Variants in NEO1 observed in about 807,000 individuals in gnomAD.
The protein encoded by NEO1 is neogenin.
In NEO1, 63 loss-of-function variants were observed where a neutral mutation model predicts 159.7. The observed-to-expected ratio is 0.39, with a 90% CI of 0.32 to 0.49. The LOEUF (loss-of-function observed/expected upper bound fraction) is 0.49, where lower values mean the gene tolerates loss of function less well. Ranked by LOEUF, NEO1 falls within the 20% of genes least tolerant of loss-of-function variation. NEO1 has a pLI of 0.85. For missense variants in NEO1, 1,615 were observed against 1,831.0 expected, an observed-to-expected ratio of 0.88 and a Z score of 2.15; for synonymous variants, 633 against 662.0, an observed-to-expected ratio of 0.96 and a Z score of 0.67.
At chr15:73,153,635 T>C (rs2033552562) in intron 5 of NEO1, among the ~76,000 whole-genome samples, 1 of 152,234 alleles carries the variant, frequency 6.6e-6, no homozygotes, top group Non-Finnish European at 1.5e-5. Context: ...ATTGTAATGG[T>C]TGATTTCCAA....
At position 73,298,185 on chromosome 15, in the gene NEO1, A is replaced by G. The variant is rs140069275; in HGVS notation, c.3902-163A>G. On this transcript the variant is annotated intron_variant, in intron 26 of 28. Coordinates refer to ENST00000261908, the MANE Select transcript of NEO1 (RefSeq NM_002499.4). ...TGAGTACAAAATTGTTCGAGACTCC[A>G]TTCTTATCCCTGGCAGTGGTGCTAA... is the stretch of plus-strand genomic sequence containing the variant. The G allele has an allele frequency of 2.2e-4, 184 of 825,410 alleles. 1 individual carries two copies. The African/African-American group carries it at 3.0e-3, about 14-fold the overall frequency. The allele number at this position is 825,410 out of a possible 1,614,324, so 51.1% of individuals were successfully genotyped here.
chr15:73,089,014 T>G (rs1290547273), intron 1 of NEO1, among the ~76,000 whole-genome samples: 1 of 152,142 alleles, frequency 6.6e-6, no homozygotes, highest in East Asian at 1.9e-4. Context: ...TGGTTGATAG[T>G]TGCAGTTCTG....
At chr15:73,261,454 A>T (rs1172790547) in intron 15 of NEO1, among the ~76,000 whole-genome samples, 1 of 152,100 alleles carries the variant, frequency 6.6e-6, no homozygotes, top group Non-Finnish European at 1.5e-5. Context: ...GGTCACTAAA[A>T]CTATAAGTGA....
At chr15:73,083,250 T>C (rs1446035510) in intron 1 of NEO1, among the ~76,000 whole-genome samples, 1 of 152,094 alleles carries the variant, frequency 6.6e-6, no homozygotes, top group Non-Finnish European at 1.5e-5. Flanking sequence ...ATTGTGGTAG[T>C]TGTGGCTTGG....
chr15:73,093,747 T>G (rs912289036), intron 1 of NEO1, among the ~76,000 whole-genome samples: 4 of 152,036 alleles, frequency 2.6e-5, no homozygotes, highest in Admixed American at 2.0e-4. Flanking sequence ...CTGGCTAATT[T>G]TTTGTATTTT....
intron 23 of NEO1, 39 bp downstream of exon 23, chr15:73,283,150 C>T: frequency 6.2e-7 from 1 of 1,610,594 alleles, no homozygotes; most frequent in African/African-American, 1.3e-5. Context: ...TTTTTGGCAT[C>T]TTATCTTTTG....
Position 73,304,616 on chromosome 15 carries a change from G to A in NEO1, c.*1920G>A, listed in dbSNP as rs572793648. ...ACATGGGGGTGCCAGGCGGGATTCT[G>A]GAAAACCAGTGCACTTAAACTGATC... On this transcript the variant is annotated 3_prime_UTR_variant, in exon 29 of 29. Coordinates refer to ENST00000261908, the MANE Select transcript of NEO1 (RefSeq NM_002499.4). The A allele has an allele frequency of 6.6e-6, 1 of 152,224 alleles. No homozygotes were observed. Among genetic ancestry groups the A allele is most frequent in the African/African-American group, 2.4e-5 (1 of 41,460 alleles). The allele number at this position is 152,224 out of a possible 1,614,324, so 9.4% of individuals were successfully genotyped here.
At chr15:73,226,236 A>G (rs2038583214) in intron 7 of NEO1, among the ~76,000 whole-genome samples, 1 of 152,180 alleles carries the variant, frequency 6.6e-6, no homozygotes, top group Admixed American at 6.5e-5. Context: ...TTGTTCTTGC[A>G]GTCAATCTGG....
intron 7 of NEO1, among the ~76,000 whole-genome samples, chr15:73,206,022 C>T (rs55868723): frequency 0.3 from 45,918 of 151,642 alleles, 8,460 homozygotes; most frequent in Admixed American, 0.44. Context: ...ATTCTCATGC[C>T]TCAGCCTCTT....
At chr15:73,222,448 C>A (rs149508318) in intron 7 of NEO1, among the ~76,000 whole-genome samples, 1 of 151,900 alleles carries the variant, frequency 6.6e-6, no homozygotes, top group Admixed American at 6.6e-5. Flanking sequence ...TGTTATTGAT[C>A]TATTTAGAGT....
At chr15:73,100,478 G>A (rs929703304) in intron 1 of NEO1, among the ~76,000 whole-genome samples, 10 of 152,044 alleles carry the variant, frequency 6.6e-5, no homozygotes, top group Non-Finnish European at 1.3e-4. Context: ...GGGATTACAG[G>A]TGTGTGCCAC....
intron 7 of NEO1, among the ~76,000 whole-genome samples, chr15:73,193,442 C>G (rs749500388): frequency 1.3e-5 from 2 of 151,832 alleles, no homozygotes; most frequent in Non-Finnish European, 2.9e-5. Context: ...CACTGTATCA[C>G]TTTAGCAAGT....
chr15:73,076,780 T>C (rs1183902180), intron 1 of NEO1, among the ~76,000 whole-genome samples: 1 of 152,228 alleles, frequency 6.6e-6, no homozygotes, highest in Non-Finnish European at 1.5e-5. Context: ...CTGCTCAGGC[T>C]ACCTTCTTTT....
At chr15:73,099,276 C>A (rs891460543) in intron 1 of NEO1, among the ~76,000 whole-genome samples, 1 of 152,132 alleles carries the variant, frequency 6.6e-6, no homozygotes, top group African/African-American at 2.4e-5. Context: ...TTTAAGAGCT[C>A]AACGAATGAA....
At chr15:73,245,633 G>C (rs1012689283) in intron 9 of NEO1, among the ~76,000 whole-genome samples, 20 of 150,832 alleles carry the variant, frequency 1.3e-4, no homozygotes, top group Admixed American at 8.6e-4. Flanking sequence ...GGAGTGCAGT[G>C]GCACAGTCTC....
intron 7 of NEO1, among the ~76,000 whole-genome samples, chr15:73,220,801 A>G (rs1421197752): frequency 6.6e-6 from 1 of 151,882 alleles, no homozygotes; most frequent in African/African-American, 2.4e-5. Context: ...ACTTCTCTGT[A>G]TTGGTTATTA....
At chr15:73,126,640 A>G (rs367560647) in intron 4 of NEO1, 70 bp downstream of exon 4, 2 of 1,418,622 alleles carry the variant, frequency 1.4e-6, no homozygotes, top group East Asian at 2.4e-5. Context: ...ATTTGGGACT[A>G]TTGACTAATT....
At position 73,195,718 on chromosome 15, in the gene NEO1, T is replaced by C. The variant is rs115660165; in HGVS notation, c.1291+17291T>C. Among the ~76,000 whole-genome samples, 1,306 of 152,276 alleles carry C rather than the reference T, an allele frequency of 8.6e-3. 23 individuals carry two copies. Among genetic ancestry groups the C allele is most frequent in the African/African-American group, 0.03 (1,234 of 41,568 alleles). ...TGTAGACCCCAAATGATAAAATAAA[T>C]TAAGAGACTTTTTGGCTAGATTCTG... On this transcript the variant is annotated intron_variant, in intron 7 of 28. Transcript: ENST00000261908.
intron 8 of NEO1, among the ~76,000 whole-genome samples, chr15:73,240,957 A>C (rs1227215736): frequency 2.6e-5 from 4 of 152,222 alleles, no homozygotes; most frequent in Non-Finnish European, 5.9e-5. Context: ...CATCTAAAAA[A>C]CAAAAGTAAT....
Sources: allele counts gnomAD v4.1 joint callset (sites outside exome capture counted in the v4.1 genomes callset), GRCh38; gene constraint gnomAD v4.1.1; transcripts MANE v1.5; gene names NCBI Gene and HGNC (gene_info 2026-07-23, HGNC 2026-07-21).